MRPS27: variants seen among roughly 807,000 people sequenced by gnomAD.
MRPS27 encodes the protein mitochondrial ribosomal protein S27.
In MRPS27, 43 loss-of-function variants were observed where a neutral mutation model predicts 48.9. That is an observed-to-expected ratio of 0.88 (90% CI 0.69 to 1.13). The LOEUF (loss-of-function observed/expected upper bound fraction) is 1.13, where lower values mean the gene tolerates loss of function less well. Among genes scored for constraint, MRPS27 ranks in the 50% most tolerant of loss-of-function variants. The probability of loss-of-function intolerance (pLI) is 0.00; values close to 1 mark genes in which losing one functional copy is unlikely to be tolerated. For missense variants in MRPS27, 467 were observed against 476.3 expected, an observed-to-expected ratio of 0.98 and a Z score of 0.18; for synonymous variants, 188 against 171.9, an observed-to-expected ratio of 1.09 and a Z score of -0.73.
At chr5:72,308,296 G>A (rs1396464389) in intron 2 of MRPS27, among the ~76,000 whole-genome samples, 3 of 152,248 alleles carry the variant, frequency 2.0e-5, no homozygotes, top group Non-Finnish European at 4.4e-5. Context: ...GGCAGGGCAC[G>A]GCTCAGGGGA....
intron 4 of MRPS27, among the ~76,000 whole-genome samples, chr5:72,241,042 T>C (rs559444244): frequency 4.7e-4 from 72 of 152,252 alleles, no homozygotes; most frequent in Non-Finnish European, 9.3e-4. Flanking sequence ...TTTTTTATTG[T>C]ATATACATTT....
chr5:72,262,393 G>T (rs1749005840), intron 4 of MRPS27, among the ~76,000 whole-genome samples: 1 of 151,420 alleles, frequency 6.6e-6, no homozygotes, highest in African/African-American at 2.4e-5. Context: ...CCCTTCCCCA[G>T]AAAAAAACCC....
At chr5:72,294,114 G>C (rs565512781) in intron 4 of MRPS27, among the ~76,000 whole-genome samples, 1 of 151,284 alleles carries the variant, frequency 6.6e-6, no homozygotes, top group African/African-American at 2.5e-5. Flanking sequence ...TTTTTTAAAG[G>C]TGTGGAATCT....
intron 2 of MRPS27, among the ~76,000 whole-genome samples, chr5:72,300,625 C>T (rs1399204826): frequency 6.6e-6 from 1 of 152,180 alleles, no homozygotes; most frequent in Admixed American, 6.5e-5. Flanking sequence ...AGGCATCATC[C>T]TTGACCCCAT....
chr5:72,246,441 G>C (rs1018138425), intron 4 of MRPS27, among the ~76,000 whole-genome samples: 3 of 152,112 alleles, frequency 2.0e-5, no homozygotes, highest in Admixed American at 2.0e-4. Context: ...TGCAAGTTGA[G>C]GGAACAGACA....
Position 72,304,521 on chromosome 5 carries a change from G to T in MRPS27, c.152-6819C>A, listed in dbSNP as rs963925772. ...AAGCCAAAATAAAGCTGGTACAGTT[G>T]TATTAATATCAGACACAATAGATTA... On this transcript the variant is annotated intron_variant, in intron 2 of 10. Coordinates refer to ENST00000261413, the MANE Select transcript of MRPS27 (RefSeq NM_015084.3). Among the ~76,000 whole-genome samples, 80 of 152,190 alleles carry T rather than the reference G, an allele frequency of 5.3e-4. 2 individuals are homozygous for T. The highest frequency in any genetic ancestry group is 1.2e-4 in the Non-Finnish European group (8 of 68,026).
chr5:72,283,257 A>T (rs1749577615), intron 4 of MRPS27, among the ~76,000 whole-genome samples: 1 of 152,180 alleles, frequency 6.6e-6, no homozygotes, highest in Non-Finnish European at 1.5e-5. Context: ...CCACAAGATA[A>T]TACATTTTCA....
At chr5:72,306,886 G>A (rs920379778) in intron 2 of MRPS27, among the ~76,000 whole-genome samples, 3 of 152,186 alleles carry the variant, frequency 2.0e-5, no homozygotes, top group African/African-American at 4.8e-5. Context: ...ATTGATAATT[G>A]CTGGAGCTGG....
chr5:72,302,402 G>T (rs1386307525), intron 2 of MRPS27, among the ~76,000 whole-genome samples: 1 of 152,162 alleles, frequency 6.6e-6, no homozygotes, highest in Admixed American at 6.5e-5. Context: ...AGCCCCAGAA[G>T]ATTGTAGCCA....
chr5:72,258,080 T>C (rs1262734966), intron 4 of MRPS27, among the ~76,000 whole-genome samples: 6 of 117,382 alleles, frequency 5.1e-5, no homozygotes, highest in Non-Finnish European at 1.0e-4. Flanking sequence ...CGAGACTCTG[T>C]CTCAAAAAAA....
rs372854564 is a variant in MRPS27 at position 72,314,064 on chromosome 5, G to A, written c.151+17C>T. 67 of 1,594,580 alleles carry A rather than the reference G, an allele frequency of 4.2e-5. No homozygotes were observed. The African/African-American group carries it at 7.4e-4, about 18-fold the overall frequency. The stretch of plus-strand genomic sequence containing the variant: ...GTGACCGAAAATGACACATATAATA[G>A]TCCAATAGGTACCTACCAAGACAGT... On this transcript the variant is annotated intron_variant, in intron 2 of 10. Transcript: ENST00000261413.
rs1580056185 is a variant in MRPS27, at chr5:72,232,547, C to T, written c.487G>A (p.Val163Met). Reference sequence around the variant, plus strand: ...TCTTGCATCATGACCTCAAAAACCACAGATAAAGCATCTAGCAGAAGATGA... The same window carrying T: ...TCTTGCATCATGACCTCAAAAACCATAGATAAAGCATCTAGCAGAAGATGA... ...KKENYKDALS[V>M]VFEVMMQEAF... The change falls in exon 7 of 11, where the codon GTG (valine) becomes ATG (methionine). Residue 163 changes from valine to methionine, a missense_variant. Physicochemically the swap from Val to Met is conservative, Grantham distance 21. Coordinates refer to ENST00000261413, the MANE Select transcript of MRPS27 (RefSeq NM_015084.3). The T allele has an allele frequency of 2.5e-6, 4 of 1,608,066 alleles. No individual in the cohort carries two copies. Among genetic ancestry groups the T allele is most frequent in the Non-Finnish European group, 3.4e-6 (4 of 1,177,124 alleles).
At chr5:72,251,138 G>A (rs924754087) in intron 4 of MRPS27, among the ~76,000 whole-genome samples, 2 of 152,142 alleles carry the variant, frequency 1.3e-5, no homozygotes, top group African/African-American at 2.4e-5. Context: ...CCATCCACAC[G>A]GCAGGTGACT....
At chr5:72,281,407 AT>A (rs369337002) in intron 4 of MRPS27, among the ~76,000 whole-genome samples, 61 of 152,344 alleles carry the variant, frequency 4.0e-4, no homozygotes, top group African/African-American at 1.4e-3. Context: ...CTTGTCTACT[AT>A]ACTATACTGT....
chr5:72,258,696 A>T (rs1338453355), intron 4 of MRPS27, among the ~76,000 whole-genome samples: 2 of 152,104 alleles, frequency 1.3e-5, no homozygotes, highest in African/African-American at 4.8e-5. Context: ...GGAAACAGAG[A>T]ACTGCCCTCA....
At chr5:72,272,315 G>A (rs1425681173) in intron 4 of MRPS27, among the ~76,000 whole-genome samples, 2 of 152,216 alleles carry the variant, frequency 1.3e-5, no homozygotes, top group Admixed American at 6.5e-5. Context: ...TTTGGATTTT[G>A]AGGACTTTCC....
intron 1 of MRPS27, among the ~76,000 whole-genome samples, chr5:72,319,537 CTTT>C (rs35020848): frequency 0.011 from 961 of 84,262 alleles, 14 homozygotes; most frequent in African/African-American, 0.044. Flanking sequence ...TAGGTTTTTC[CTTT>C]TTTTTTTTTT....
At chr5:72,286,652 T>C (rs753562624) in intron 4 of MRPS27, among the ~76,000 whole-genome samples, 2 of 152,188 alleles carry the variant, frequency 1.3e-5, no homozygotes, top group Non-Finnish European at 2.9e-5. Flanking sequence ...ACATGGGATA[T>C]AAAAATTCTT....
At chr5:72,263,719 A>T (rs897610014) in intron 4 of MRPS27, among the ~76,000 whole-genome samples, 6 of 152,032 alleles carry the variant, frequency 3.9e-5, no homozygotes, top group Non-Finnish European at 5.9e-5. Context: ...ACTCCATACC[A>T]ATTAGGAGAG....
Sources: gnomAD v4.1 joint callset for allele counts (sites outside exome capture counted in the v4.1 genomes callset) on GRCh38, gnomAD v4.1.1 for gene constraint, MANE v1.5 for transcripts, NCBI Gene and HGNC (gene_info 2026-07-23, HGNC 2026-07-21) for gene names.